ENTPD5: variants seen among roughly 807,000 people sequenced by gnomAD.
The protein encoded by ENTPD5 is nucleoside diphosphate phosphatase ENTPD5.
In ENTPD5, 49 loss-of-function variants were observed where a neutral mutation model predicts 60.2. The observed-to-expected ratio is 0.81, with a 90% confidence interval of 0.65 to 1.03. The LOEUF (loss-of-function observed/expected upper bound fraction) is 1.03. Ranked by LOEUF, ENTPD5 falls within the 50% of genes least tolerant of loss-of-function variation. The pLI, the probability that ENTPD5 is intolerant of heterozygous loss-of-function variation, is 0.00. For synonymous variants in ENTPD5, 187 were observed against 185.4 expected (o/e 1.01, Z -0.07); for missense variants, 480 against 507.6 (o/e 0.95, Z 0.52).
Position 74,005,265 on chromosome 14 carries a change from CA to C in ENTPD5, c.-71+5825del, listed in dbSNP as rs71115941. Among the ~76,000 whole-genome samples, 329 of 39,984 alleles carry C rather than the reference CA, an allele frequency of 8.2e-3. 3 individuals are homozygous for C. Among genetic ancestry groups the C allele is most frequent in the African/African-American group, 0.032 (281 of 8,842 alleles). The allele number at this position is 39,984 out of a possible 152,430, so 26.2% of individuals were successfully genotyped here. On this transcript the variant is annotated intron_variant, in intron 3 of 15. Transcript: ENST00000334696. ...TGGGCGATAGGGTGAGACTCAGTCT[CA>C]AAAAAAAAAAAAAAAGAAAAAAAGA...
At chr14:74,007,574 T>A (rs1265548689) in intron 3 of ENTPD5, 1 of 151,828 alleles carries the variant, frequency 6.6e-6, no homozygotes, top group African/African-American at 2.4e-5. Flanking sequence ...GGGACAAGAC[T>A]GACAACTGGA....
At chr14:74,013,252 G>C (rs1214732206) in intron 2 of ENTPD5, among the ~76,000 whole-genome samples, 1 of 152,180 alleles carries the variant, frequency 6.6e-6, no homozygotes, top group Non-Finnish European at 1.5e-5. Context: ...AGCATACTCT[G>C]AATTGTGCTC....
chr14:74,011,506 A>C (rs765128018), intron 2 of ENTPD5, among the ~76,000 whole-genome samples: 9 of 152,148 alleles, frequency 5.9e-5, no homozygotes, highest in Non-Finnish European at 1.0e-4. Flanking sequence ...TTCATAAGTA[A>C]AGTACACAGA....
At chr14:73,968,674 C>G (rs528435930) in intron 15 of ENTPD5, among the ~76,000 whole-genome samples, 16 of 152,292 alleles carry the variant, frequency 1.1e-4, no homozygotes, top group African/African-American at 2.9e-4. Context: ...GATCCGCCCG[C>G]CTCAGCCTCC....
intron 5 of ENTPD5, 117 bp from the exon 6 acceptor site, chr14:73,983,278 C>G: frequency 2.0e-6 from 2 of 999,902 alleles, no homozygotes; most frequent in South Asian, 4.1e-5. Flanking sequence ...GGGCTCCAAC[C>G]TCTCTCTGCT....
chr14:73,998,517 G>A (rs2058408079), intron 3 of ENTPD5, among the ~76,000 whole-genome samples: 1 of 151,928 alleles, frequency 6.6e-6, no homozygotes, highest in South Asian at 2.1e-4. Context: ...CTGCTTACAA[G>A]TACAGCACAC....
chr14:73,971,789 A>G lies in ENTPD5; in HGVS notation c.1084+63T>C, dbSNP rs562377025. On this transcript the variant is annotated intron_variant, in intron 14 of 15. Transcript: ENST00000334696. ...TGACTGAGGTGCTTTAGGTCACTTT[A>G]GGTCACTAGAGTAGGCAGGCAGTCT... 2.8e-5 allele frequency: 31 copies of G among 1,110,140 alleles called. 1 individual carries two copies. In the East Asian group the frequency reaches 7.3e-4, roughly 26 times the overall value. The allele number at this position is 1,110,140 out of a possible 1,614,324, so 68.8% of individuals were successfully genotyped here.
intron 11 of ENTPD5, among the ~76,000 whole-genome samples, chr14:73,974,238 T>C (rs1594855398): frequency 6.6e-6 from 1 of 152,214 alleles, no homozygotes; most frequent in South Asian, 2.1e-4. Context: ...TCCATGGCTT[T>C]CATCACATCT....
downstream of ENTPD5, chr14:73,963,186 T>A (rs1428629438): frequency 1.5e-6 from 1 of 656,686 alleles, no homozygotes; most frequent in Non-Finnish European, 2.7e-6. Context: ...GAGGAGCGTA[T>A]ATTAGCCAGA....
downstream of ENTPD5, chr14:73,959,546 A>C (rs1281093556): frequency 6.2e-7 from 1 of 1,613,100 alleles, no homozygotes; most frequent in Admixed American, 1.7e-5. Flanking sequence ...TACCCAGCTG[A>C]TGATGTGCTG....
intron 1 of ENTPD5, among the ~76,000 whole-genome samples, chr14:74,017,800 C>T (rs886268046): frequency 6.7e-6 from 1 of 149,706 alleles, no homozygotes; most frequent in Non-Finnish European, 1.5e-5. Flanking sequence ...AGGAGAATTG[C>T]TTGAACCCGG....
chr14:73,973,100 G>A (rs769601199), intron 12 of ENTPD5, 76 bp from the exon 13 acceptor site: 191 of 1,550,256 alleles, frequency 1.2e-4, no homozygotes, highest in Non-Finnish European at 1.6e-4. Flanking sequence ...GCAGGCTGCT[G>A]GAGACAATGA....
chr14:73,991,331 T>C (rs554816645), intron 3 of ENTPD5, among the ~76,000 whole-genome samples: 22 of 152,250 alleles, frequency 1.4e-4, no homozygotes, highest in Admixed American at 4.6e-4. Flanking sequence ...CTCACACCTG[T>C]AATCCCAGCA....
chr14:73,987,050 A>G (rs1339626361), intron 4 of ENTPD5, 157 bp from the exon 5 acceptor site: 3 of 721,322 alleles, frequency 4.2e-6, no homozygotes, highest in Non-Finnish European at 7.6e-6. Context: ...GAGTACTGGA[A>G]AGAAGGACTA....
chr14:73,984,049 C>T (rs12894825), intron 5 of ENTPD5, among the ~76,000 whole-genome samples: 17,097 of 149,108 alleles, frequency 0.11, 1,263 homozygotes, highest in Admixed American at 0.2. Flanking sequence ...TTTTTTAAGA[C>T]GGAATTTTGC....
intron 5 of ENTPD5, 176 bp downstream of exon 5, chr14:73,986,638 C>G (rs1305747150): frequency 1.7e-6 from 1 of 600,814 alleles, no homozygotes; most frequent in African/African-American, 1.9e-5. Flanking sequence ...TCCACCCAGC[C>G]CTCATGAGCG....
In ENTPD5 at chr14:73,973,965, G is replaced by A. The variant is rs2057335254; in HGVS notation, c.798C>T (p.His266=). Residue 266 remains histidine, a synonymous_variant, in exon 12 of 16, where the codon CAC becomes CAT. Coordinates refer to ENST00000334696, the MANE Select transcript of ENTPD5 (RefSeq NM_001249.5). ...TCGGTAAACAGGCACTCCGGAAAGT[G>A]TGCCCATCAGTCCCTGAAAGAATCC... ...GALETEGTDG[H]TFRSACLPRW... The A allele has an allele frequency of 6.2e-7, 1 of 1,614,086 alleles. No homozygotes were observed. Among genetic ancestry groups the A allele is most frequent in the Admixed American group, 1.7e-5 (1 of 60,012 alleles).
intron 6 of ENTPD5, 62 bp downstream of exon 6, chr14:73,982,956 C>T: frequency 6.4e-7 from 1 of 1,552,102 alleles, no homozygotes; most frequent in Non-Finnish European, 8.8e-7. Context: ...AGGCTAAAAA[C>T]TCATAAAGTA....
chr14:73,997,934 G>A (rs1487076849), intron 3 of ENTPD5, among the ~76,000 whole-genome samples: 3 of 152,090 alleles, frequency 2.0e-5, no homozygotes, highest in Non-Finnish European at 4.4e-5. Flanking sequence ...GTTCCACTAC[G>A]GCCTAGGTAT....
Sources: gnomAD v4.1 joint callset for allele counts (sites outside exome capture counted in the v4.1 genomes callset) on GRCh38, gnomAD v4.1.1 for gene constraint, MANE v1.5 for transcripts, NCBI Gene and HGNC (gene_info 2026-07-23, HGNC 2026-07-21) for gene names.